Variants in JAZF1 observed in about 807,000 individuals in gnomAD.
JAZF1 encodes juxtaposed with another zinc finger protein 1.
In JAZF1, 8 loss-of-function variants were observed where a neutral mutation model predicts 26.4. That is an observed-to-expected ratio of 0.30 (90% CI 0.18 to 0.55). The LOEUF is 0.55. Ranked by LOEUF, JAZF1 falls within the 20% of genes least tolerant of loss-of-function variation. The pLI is 0.94. For synonymous variants in JAZF1, 126 were observed against 122.3 expected (o/e 1.03, Z -0.20); for missense variants, 199 against 322.0 (o/e 0.62, Z 2.92).
At chr7:27,914,862 C>T (rs531517379) in intron 2 of JAZF1, 3 of 470,878 alleles carry the variant, frequency 6.4e-6, no homozygotes, top group African/African-American at 6.0e-5. Flanking sequence ...CTCCTCTGTT[C>T]TAGAACCTCC....
chr7:28,003,861 AG>A (rs1314754902), intron 1 of JAZF1, among the ~76,000 whole-genome samples: 1 of 152,096 alleles, frequency 6.6e-6, no homozygotes, highest in Admixed American at 6.6e-5. Context: ...GGAGTCTAGA[AG>A]GAAAAGAAGT....
chr7:27,987,126 A>G (rs1278891348), intron 2 of JAZF1, among the ~76,000 whole-genome samples: 1 of 147,018 alleles, frequency 6.8e-6, no homozygotes, highest in African/African-American at 2.6e-5. Flanking sequence ...ATCGTCTGGG[A>G]TGTGAGGAGC....
chr7:28,074,780 A>G (rs1375867936), intron 1 of JAZF1, among the ~76,000 whole-genome samples: 1 of 152,184 alleles, frequency 6.6e-6, no homozygotes, highest in Non-Finnish European at 1.5e-5. Context: ...CTGTATTTCA[A>G]ATGAAATTAA....
At position 28,000,626 on chromosome 7, in the gene JAZF1, T is replaced by C. The variant is rs866332981; in HGVS notation, c.116-8645A>G. On this transcript the variant is annotated intron_variant, in intron 1 of 4. Transcript: ENST00000283928. Reference sequence around the variant, plus strand: ...TCTTTCTTTCTTTCTTTCTTTCTTTTTTTTTTTTTTTTTTGAGACAAGAGT... The same window carrying C: ...TCTTTCTTTCTTTCTTTCTTTCTTTCTTTTTTTTTTTTTTGAGACAAGAGT... Among the ~76,000 whole-genome samples, 1,118 of 140,600 alleles carry C rather than the reference T, an allele frequency of 8.0e-3. 17 individuals carry two copies. Among genetic ancestry groups the C allele is most frequent in the East Asian group, 0.061 (248 of 4,092 alleles). 92.2% of individuals were successfully genotyped at this position (140,600 alleles called of 152,430 possible). A position where few individuals can be genotyped will look rare whatever the true frequency, so the allele number is the denominator to read the frequency against.
At chr7:28,056,636 A>C (rs368623436) in intron 1 of JAZF1, among the ~76,000 whole-genome samples, 2 of 152,188 alleles carry the variant, frequency 1.3e-5, no homozygotes, top group Non-Finnish European at 2.9e-5. Flanking sequence ...AACACAGCTC[A>C]TGAAATCAGG....
chr7:27,957,156 TAA>T (rs869238555), intron 2 of JAZF1, among the ~76,000 whole-genome samples: 1 of 132,610 alleles, frequency 7.5e-6, no homozygotes, highest in Non-Finnish European at 1.6e-5. Flanking sequence ...GAACTGAATT[TAA>T]ATCCTCAAAG....
intron 2 of JAZF1, among the ~76,000 whole-genome samples, chr7:27,982,004 G>C (rs1785593605): frequency 6.6e-6 from 1 of 152,200 alleles, no homozygotes; most frequent in African/African-American, 2.4e-5. Context: ...GAGGTTCCAA[G>C]ATGGCCGAAT....
At chr7:28,161,552 G>A (rs916631103) in intron 1 of JAZF1, among the ~76,000 whole-genome samples, 2 of 152,164 alleles carry the variant, frequency 1.3e-5, no homozygotes, top group Admixed American at 6.5e-5. Context: ...CTTTGCTGCT[G>A]TCACAGGAAT....
intron 2 of JAZF1, among the ~76,000 whole-genome samples, chr7:27,902,197 G>T (rs1055287873): frequency 7.2e-5 from 11 of 152,088 alleles, no homozygotes; most frequent in African/African-American, 2.7e-4. Flanking sequence ...CCTAATGGGG[G>T]TATTATGTAA....
chr7:28,065,900 G>C (rs1042907377), intron 1 of JAZF1, among the ~76,000 whole-genome samples: 9 of 152,152 alleles, frequency 5.9e-5, no homozygotes, highest in African/African-American at 2.2e-4. Context: ...CACCAAGCAG[G>C]GGGTGGGATG....
chr7:27,836,689 C>T (rs1782819837), intron 4 of JAZF1, among the ~76,000 whole-genome samples: 2 of 152,160 alleles, frequency 1.3e-5, no homozygotes, highest in South Asian at 4.1e-4. Context: ...CCACTTGCAG[C>T]AGTGTGGACA....
intron 1 of JAZF1, among the ~76,000 whole-genome samples, chr7:28,115,774 G>A (rs1208896676): frequency 1.3e-5 from 2 of 151,980 alleles, no homozygotes; most frequent in African/African-American, 4.8e-5. Context: ...CCCACTAAAA[G>A]TAACCACTTT....
chr7:28,022,276 G>C (rs973571061), intron 1 of JAZF1, among the ~76,000 whole-genome samples: 1 of 152,210 alleles, frequency 6.6e-6, no homozygotes, highest in Non-Finnish European at 1.5e-5. Context: ...CTTAAGCATA[G>C]CTTTCAAAAA....
chr7:28,114,784 A>G (rs1210066778), intron 1 of JAZF1, among the ~76,000 whole-genome samples: 2 of 151,626 alleles, frequency 1.3e-5, no homozygotes, highest in Non-Finnish European at 2.9e-5. Context: ...ACTAGATGCT[A>G]TAAGAAAATG....
chr7:28,176,569 T>C (rs1390690445), intron 1 of JAZF1, among the ~76,000 whole-genome samples: 1 of 152,218 alleles, frequency 6.6e-6, no homozygotes, highest in Non-Finnish European at 1.5e-5. Flanking sequence ...ATACTGTGTA[T>C]CACATACCTC....
chr7:27,853,023 G>A (rs1783179360), intron 3 of JAZF1, among the ~76,000 whole-genome samples: 1 of 152,110 alleles, frequency 6.6e-6, no homozygotes, highest in Admixed American at 6.5e-5. Flanking sequence ...GGCTTGCCAT[G>A]AACCACAGGA....
At chr7:27,947,010 G>A (rs557932260) in intron 2 of JAZF1, among the ~76,000 whole-genome samples, 6 of 152,300 alleles carry the variant, frequency 3.9e-5, no homozygotes, top group African/African-American at 1.4e-4. Context: ...AATCAGAAAT[G>A]GTCCTGAAGT....
chr7:28,104,630 A>T (rs1240205501), intron 1 of JAZF1, among the ~76,000 whole-genome samples: 2 of 152,204 alleles, frequency 1.3e-5, no homozygotes, highest in East Asian at 3.9e-4. Flanking sequence ...TTCATGCTTG[A>T]CCTGTGATTC....
chr7:27,919,490 C>G (rs1012318787), intron 2 of JAZF1, among the ~76,000 whole-genome samples: 1 of 152,130 alleles, frequency 6.6e-6, no homozygotes, highest in African/African-American at 2.4e-5. Context: ...TCTACAATGC[C>G]TTAAAGCTCA....
Sources: gnomAD v4.1 joint callset for allele counts (sites outside exome capture counted in the v4.1 genomes callset) on GRCh38, gnomAD v4.1.1 for gene constraint, MANE v1.5 for transcripts, NCBI Gene and HGNC (gene_info 2026-07-23, HGNC 2026-07-21) for gene names.